Variants in GAS7 observed in about 807,000 individuals in gnomAD.
GAS7 encodes the protein growth arrest specific 7.
In GAS7, 28 loss-of-function variants were observed where a neutral mutation model predicts 71.1. The ratio of observed to expected loss-of-function variants is 0.39; its 90% CI spans 0.29 to 0.54. The LOEUF (loss-of-function observed/expected upper bound fraction) is 0.54, where lower values mean the gene tolerates loss of function less well. GAS7 is among the 20% of genes least tolerant of loss of function. The probability of loss-of-function intolerance (pLI) is 0.62; values close to 1 mark genes in which losing one functional copy is unlikely to be tolerated. For synonymous variants in GAS7, 258 were observed against 245.8 expected, an observed-to-expected ratio of 1.05 and a Z score of -0.46; for missense variants, 436 against 627.8, an observed-to-expected ratio of 0.69 and a Z score of 3.27.
chr17:9,916,747 G>T lies in GAS7; in HGVS notation c.*481C>A, dbSNP rs1000412547. The T allele has an allele frequency of 5.1e-6, 2 of 395,320 alleles. No homozygotes were observed. The highest frequency in any genetic ancestry group is 4.5e-6 in the Non-Finnish European group (1 of 224,514). The allele number at this position is 395,320 out of a possible 1,614,324, so 24.5% of individuals were successfully genotyped here. ...AAAATAAAGAAGGAGGGCTGCAAAG[G>T]ATTCTGGGTGCGGCTGTGAGCTGAA... On this transcript the variant is annotated 3_prime_UTR_variant, in exon 14 of 14. Transcript: ENST00000432992.
chr17:9,925,369 C>T lies in GAS7; in HGVS notation c.1138+107G>A, dbSNP rs184152264. ...AACAAGGGAAGTAATTTCCTCGCTGCAGTCTTGCAAAGGAGAGATGCACCC... is the reference window on the plus strand; with the variant it reads ...AACAAGGGAAGTAATTTCCTCGCTGTAGTCTTGCAAAGGAGAGATGCACCC... On this transcript the variant is annotated intron_variant, in intron 11 of 13. Transcript: ENST00000432992. The T allele has an allele frequency of 1.7e-4, 191 of 1,120,094 alleles. No homozygotes were observed. In the African/African-American group the frequency reaches 2.6e-3, roughly 15 times the overall value. The allele number at this position is 1,120,094 out of a possible 1,614,324, so 69.4% of individuals were successfully genotyped here.
intron 1 of GAS7, among the ~76,000 whole-genome samples, chr17:10,194,041 G>A (rs2074522027): frequency 6.6e-6 from 1 of 152,152 alleles, no homozygotes; most frequent in Non-Finnish European, 1.5e-5. Flanking sequence ...CCCAAAATGG[G>A]AGAACAAAGG....
At chr17:10,050,069 T>C (rs1348223614) in intron 1 of GAS7, among the ~76,000 whole-genome samples, 1 of 152,238 alleles carries the variant, frequency 6.6e-6, no homozygotes, top group East Asian at 1.9e-4. Flanking sequence ...ATGTTTTCTA[T>C]AATGAGCATA....
At chr17:10,164,166 G>A (rs758580463) in intron 1 of GAS7, among the ~76,000 whole-genome samples, 4 of 152,134 alleles carry the variant, frequency 2.6e-5, no homozygotes, top group Non-Finnish European at 5.9e-5. Flanking sequence ...CCATGGACTG[G>A]GCGCGGTGGC....
In GAS7 at chr17:9,959,424, C is replaced by T. The variant is rs969948437; in HGVS notation, c.472-169G>A. 110 of 1,454,174 alleles carry T rather than the reference C, an allele frequency of 7.6e-5. No homozygotes were observed. Among genetic ancestry groups the T allele is most frequent in the Middle Eastern group, 5.6e-4 (3 of 5,330 alleles). 90.1% of individuals were successfully genotyped at this position (1,454,174 alleles called of 1,614,324 possible). On this transcript the variant is annotated intron_variant, in intron 4 of 13. Transcript: ENST00000432992. The surrounding 1 kb of genome is among the most constrained non-coding windows in gnomAD (Gnocchi z 5.0). Reference sequence around the variant, plus strand: ...GCAAGCAGGGGTCTCCCTGACCCCACGCTGTTCCCACGCCCAGCTCTCGGG... The same window carrying T: ...GCAAGCAGGGGTCTCCCTGACCCCATGCTGTTCCCACGCCCAGCTCTCGGG...
Position 9,926,583 on chromosome 17 carries a change from C to G in GAS7, c.1014+58G>C. On this transcript the variant is annotated intron_variant, in intron 10 of 13. Transcript: ENST00000432992. This position sits in a 1 kb window ranked among gnomAD's most constrained non-coding sequence, Gnocchi z 5.0. ...GAGCCACTGCTGGCTTCCCAGTCCCCCTTCTTCCAGGCAGTCCCCCATGCA... is the reference window on the plus strand; with the variant it reads ...GAGCCACTGCTGGCTTCCCAGTCCCGCTTCTTCCAGGCAGTCCCCCATGCA... The G allele has an allele frequency of 6.3e-7, 1 of 1,585,210 alleles. No homozygotes were observed. The highest frequency in any genetic ancestry group is 8.6e-7 in the Non-Finnish European group (1 of 1,160,658).
intron 1 of GAS7, among the ~76,000 whole-genome samples, chr17:10,118,594 C>T (rs12603296): frequency 0.32 from 48,672 of 151,488 alleles, 8,333 homozygotes; most frequent in East Asian, 0.63. Context: ...GTCCCAGCTA[C>T]CCTGGGGGCT....
intron 1 of GAS7, among the ~76,000 whole-genome samples, chr17:10,066,644 C>CA (rs1428003186): frequency 6.6e-6 from 1 of 152,128 alleles, no homozygotes; most frequent in Non-Finnish European, 1.5e-5. Context: ...CCTACAAGGT[C>CA]AATTTTTTTA....
intron 8 of GAS7, among the ~76,000 whole-genome samples, chr17:9,936,177 A>G (rs2068394792): frequency 6.6e-6 from 1 of 152,246 alleles, no homozygotes; most frequent in African/African-American, 2.4e-5. Context: ...GTGAAAGCCA[A>G]CACTATTTGA....
chr17:9,985,982 C>A (rs909152592), intron 2 of GAS7, among the ~76,000 whole-genome samples: 2 of 152,252 alleles, frequency 1.3e-5, no homozygotes, highest in Non-Finnish European at 2.9e-5. Flanking sequence ...GCAACACACA[C>A]ATTCCATCCA....
intron 8 of GAS7, among the ~76,000 whole-genome samples, chr17:9,934,897 G>A (rs745542355): frequency 1.3e-5 from 2 of 152,090 alleles, no homozygotes; most frequent in African/African-American, 2.4e-5. Context: ...CACCACATCC[G>A]GCTAATTTTT....
chr17:10,032,111 G>GA (rs749716743), intron 1 of GAS7, among the ~76,000 whole-genome samples: 6,632 of 74,648 alleles, frequency 0.089, 407 homozygotes, highest in African/African-American at 0.22. Flanking sequence ...GGGAACCTCA[G>GA]AAAAAAAAAA....
In GAS7 at chr17:10,125,220, A is replaced by T. The variant is rs531265655; in HGVS notation, c.183+72988T>A. On this transcript the variant is annotated intron_variant, in intron 1 of 13. Transcript: ENST00000432992. ...AATATATTCTGAGAATATTAAATTT[A>T]AAAAAAATAGGTCAAGGCTGGGCGC... 1.8e-4 allele frequency among the ~76,000 whole-genome samples: 27 copies of T among 152,062 alleles called. No homozygotes were observed. The South Asian group carries it at 3.3e-3, about 19-fold the overall frequency.
intron 5 of GAS7, among the ~76,000 whole-genome samples, chr17:9,954,313 C>T (rs1453697019): frequency 1.3e-5 from 2 of 152,112 alleles, no homozygotes; most frequent in Non-Finnish European, 2.9e-5. Context: ...AAGGTCTGTC[C>T]TGAAGGCAGC....
At chr17:10,149,219 G>A (rs1189270385) in intron 1 of GAS7, among the ~76,000 whole-genome samples, 3 of 152,034 alleles carry the variant, frequency 2.0e-5, no homozygotes, top group Admixed American at 2.0e-4. Context: ...TCTGCTGCCT[G>A]AGCCTACAGA....
chr17:10,069,061 G>A (rs1173587234), intron 1 of GAS7, among the ~76,000 whole-genome samples: 1 of 152,142 alleles, frequency 6.6e-6, no homozygotes, highest in East Asian at 1.9e-4. Context: ...AAGAAATCCA[G>A]GTATTCAGCA....
intron 1 of GAS7, among the ~76,000 whole-genome samples, chr17:10,112,582 A>T (rs891590007): frequency 9.9e-5 from 15 of 151,968 alleles, no homozygotes; most frequent in Non-Finnish European, 1.8e-4. Context: ...CTAAAAATAC[A>T]AAATTAGCCG....
At chr17:10,192,757 C>T (rs1182839353) in intron 1 of GAS7, among the ~76,000 whole-genome samples, 3 of 152,192 alleles carry the variant, frequency 2.0e-5, no homozygotes, top group Non-Finnish European at 4.4e-5. Flanking sequence ...GTGGTTCCTT[C>T]TGAGCTGAGG....
chr17:9,961,424 G>A (rs1415681924), intron 4 of GAS7, among the ~76,000 whole-genome samples: 1 of 152,196 alleles, frequency 6.6e-6, no homozygotes, highest in African/African-American at 2.4e-5. Flanking sequence ...GCAGGAAGGG[G>A]AAAGAGTAGC....
Sources: gnomAD v4.1 joint callset for allele counts (sites outside exome capture counted in the v4.1 genomes callset) on GRCh38, gnomAD v4.1.1 for gene constraint, Gnocchi (gnomAD v3.1) non-coding constraint, MANE v1.5 for transcripts, NCBI Gene and HGNC (gene_info 2026-07-23, HGNC 2026-07-21) for gene names.